Variants in RBPJ observed in about 807,000 individuals in gnomAD.
The protein encoded by RBPJ is recombining binding protein suppressor of hairless.
In RBPJ, 9 loss-of-function variants were observed where a neutral mutation model predicts 67.8. The observed-to-expected ratio is 0.13, with a 90% CI of 0.08 to 0.23. RBPJ has a LOEUF of 0.23. Among genes scored for constraint, RBPJ ranks in the 10% least tolerant of loss-of-function variants. The probability of loss-of-function intolerance (pLI) is 1.00; values close to 1 mark genes in which losing one functional copy is unlikely to be tolerated. For synonymous variants in RBPJ, 198 were observed against 203.3 expected (o/e 0.97, Z 0.22); for missense variants, 305 against 595.6 (o/e 0.51, Z 5.08).
chr4:26,410,145 T>C (rs1733874610), intron 3 of RBPJ: 2 of 408,248 alleles, frequency 4.9e-6, no homozygotes, highest in Admixed American at 3.2e-5. Flanking sequence ...GGTGGTGGAG[T>C]GCACAGTGGG....
intron 1 of RBPJ, among the ~76,000 whole-genome samples, chr4:26,251,295 T>G (rs548633481): frequency 6.6e-6 from 1 of 152,076 alleles, no homozygotes; most frequent in East Asian, 1.9e-4. Context: ...TTTAAGTAGA[T>G]AAAAGTGGTA....
intron 1 of RBPJ, among the ~76,000 whole-genome samples, chr4:26,364,223 A>G (rs773362623): frequency 1.3e-5 from 2 of 152,226 alleles, no homozygotes; most frequent in Non-Finnish European, 2.9e-5. Flanking sequence ...GTTAGCAGTT[A>G]TATTCTTAAT....
At chr4:26,359,274 T>C (rs1727747934) in intron 1 of RBPJ, among the ~76,000 whole-genome samples, 1 of 152,238 alleles carries the variant, frequency 6.6e-6, no homozygotes, top group Non-Finnish European at 1.5e-5. Flanking sequence ...CATTAACATA[T>C]TACCATGTTA....
chr4:26,215,499 C>T (rs1718693748), intron 1 of RBPJ, among the ~76,000 whole-genome samples: 1 of 151,994 alleles, frequency 6.6e-6, no homozygotes, highest in Non-Finnish European at 1.5e-5. Context: ...AGAAAATCAA[C>T]TCATATAAAG....
At chr4:26,360,141 A>G (rs761340700) in intron 1 of RBPJ, among the ~76,000 whole-genome samples, 1 of 152,364 alleles carries the variant, frequency 6.6e-6, no homozygotes, top group South Asian at 2.1e-4. Context: ...TGATGTAAAT[A>G]CAATTCTCAA....
chr4:26,107,123 T>C, the RBPJ span, among the ~76,000 whole-genome samples: 71,741 of 152,042 alleles, frequency 0.47, 18,407 homozygotes, highest in African/African-American at 0.64. Context: ...GAGCATGGGG[T>C]AAGGAGAGAT....
chr4:26,184,977 A>T (rs774894299), intron 1 of RBPJ, among the ~76,000 whole-genome samples: 1 of 152,080 alleles, frequency 6.6e-6, no homozygotes, highest in African/African-American at 2.4e-5. Flanking sequence ...CCCCGTCTCT[A>T]CTAAAAATAC....
chr4:26,363,931 G>A (rs982546154), intron 1 of RBPJ, among the ~76,000 whole-genome samples: 3 of 152,114 alleles, frequency 2.0e-5, no homozygotes, highest in African/African-American at 4.8e-5. Context: ...TTTGAGTGAT[G>A]TAATGAAAAT....
chr4:26,361,048 AGTGTGTGTGCGTGTGT>A (rs1291356404), intron 1 of RBPJ, among the ~76,000 whole-genome samples: 2 of 147,344 alleles, frequency 1.4e-5, no homozygotes, highest in Non-Finnish European at 3.0e-5. Flanking sequence ...TTCAGGAGTG[AGTGTGTGTGCGTGTGT>A]GTGTGTGTGT....
At chr4:26,117,466 A>G in the RBPJ span, among the ~76,000 whole-genome samples, 2 of 152,146 alleles carry the variant, frequency 1.3e-5, no homozygotes, top group Non-Finnish European at 2.9e-5. Context: ...GACGTATTAC[A>G]TGTTGGCCAA....
intron 1 of RBPJ, among the ~76,000 whole-genome samples, chr4:26,276,625 C>T (rs1721096187): frequency 6.6e-6 from 1 of 152,204 alleles, no homozygotes; most frequent in Non-Finnish European, 1.5e-5. Flanking sequence ...GATTACTCTT[C>T]TGTTTCCATG....
chr4:26,235,251 T>C (rs1719418821), intron 1 of RBPJ, among the ~76,000 whole-genome samples: 1 of 152,216 alleles, frequency 6.6e-6, no homozygotes, highest in South Asian at 2.1e-4. Context: ...AGAAGGGATG[T>C]GTGTGCTTTT....
rs573974072 is a variant in RBPJ, at chr4:26,374,675, C to T, written c.21-11678C>T. Among the ~76,000 whole-genome samples, 24 of 152,182 alleles carry T rather than the reference C, an allele frequency of 1.6e-4. 1 individual carries two copies. The Middle Eastern group carries it at 0.014, about 86-fold the overall frequency. On this transcript the variant is annotated intron_variant, in intron 1 of 10. Transcript: ENST00000355476. ...ATTTTTAGTAGAGACAAGGTTTCAC[C>T]ATGTTGGCCAGGATGGTGTTGATCC...
At chr4:26,316,935 C>T (rs1422888785), upstream of RBPJ, among the ~76,000 whole-genome samples, 1 of 142,726 alleles carries the variant, frequency 7.0e-6, no homozygotes, top group Non-Finnish European at 1.5e-5. Flanking sequence ...TAGTCTAGTC[C>T]TAATATTGTT....
At chr4:26,144,762 C>A in the RBPJ span, among the ~76,000 whole-genome samples, 94 of 152,284 alleles carry the variant, frequency 6.2e-4, no homozygotes, top group African/African-American at 2.2e-3. Context: ...TTGATCTAGT[C>A]CCACATGCAA....
chr4:26,169,457 C>T (rs1716468296), intron 1 of RBPJ, among the ~76,000 whole-genome samples: 2 of 152,284 alleles, frequency 1.3e-5, no homozygotes, highest in South Asian at 4.1e-4. Flanking sequence ...AGTACCCGGC[C>T]GTGTGAGGTG....
At chr4:26,358,784 T>C (rs1727689097) in intron 1 of RBPJ, among the ~76,000 whole-genome samples, 1 of 147,212 alleles carries the variant, frequency 6.8e-6, no homozygotes, top group South Asian at 2.1e-4. Context: ...TCTTGTCTCT[T>C]AAAAAAAAAA....
chr4:26,275,633 G>GTTTT (rs1438052201), intron 1 of RBPJ, among the ~76,000 whole-genome samples: 1 of 152,004 alleles, frequency 6.6e-6, no homozygotes, highest in Non-Finnish European at 1.5e-5. Flanking sequence ...GTTTTGTTTT[G>GTTTT]TTTTGTTTTG....
chr4:26,408,679 A>G (rs1331764377), intron 3 of RBPJ, among the ~76,000 whole-genome samples: 1 of 152,226 alleles, frequency 6.6e-6, no homozygotes, highest in Admixed American at 6.5e-5. Flanking sequence ...TAAAGTAGTC[A>G]TGTTATGATC....
Sources: gnomAD v4.1 joint callset for allele counts (sites outside exome capture counted in the v4.1 genomes callset) on GRCh38, gnomAD v4.1.1 for gene constraint, MANE v1.5 for transcripts, NCBI Gene and HGNC (gene_info 2026-07-23, HGNC 2026-07-21) for gene names.